FABP3: variants seen among roughly 807,000 people sequenced by gnomAD.
FABP3 encodes the protein fatty acid binding protein 3, also known as fatty acid-binding protein, heart.
FABP3 carries 8 observed loss-of-function variants against 13.4 expected under a neutral mutation model. That is an observed-to-expected ratio of 0.60 (90% CI 0.35 to 1.07). FABP3 has a LOEUF of 1.07. Ranked by LOEUF, FABP3 falls within the 50% of genes least tolerant of loss-of-function variation. The pLI, the probability that FABP3 is intolerant of heterozygous loss-of-function variation, is 0.02. For missense variants in FABP3, 135 were observed against 164.7 expected (o/e 0.82, Z 0.99); for synonymous variants, 64 against 60.0 (o/e 1.07, Z -0.31).
intron 3 of FABP3, 79 bp downstream of exon 3, chr1:31,367,314 T>G: frequency 1.7e-6 from 2 of 1,192,650 alleles, no homozygotes; most frequent in Admixed American, 3.4e-5. Flanking sequence ...AGGGGAGGAC[T>G]TGGCTTTTTA....
intron 1 of FABP3, among the ~76,000 whole-genome samples, chr1:31,371,319 G>A (rs554168614): frequency 1.3e-5 from 2 of 152,336 alleles, no homozygotes; most frequent in South Asian, 4.1e-4. Context: ...GGCACTGGGA[G>A]CTCTGTTCAC....
rs748723440 is a variant in FABP3, at chr1:31,372,931, G to T, written c.73+11C>A. The T allele has an allele frequency of 1.2e-6, 2 of 1,612,288 alleles. No individual in the cohort carries two copies. The highest frequency in any genetic ancestry group is 2.2e-5 in the East Asian group (1 of 44,890). ...CCCAAGCCAACATCCTGAGCCCCGC[G>T]GCTTGCTCACCGAGTGACTTCATGT... On this transcript the variant is annotated intron_variant, in intron 1 of 3. Transcript: ENST00000373713.
At chr1:31,364,439 T>G, downstream of FABP3, 1 of 545,418 alleles carries the variant, frequency 1.8e-6, no homozygotes, top group Non-Finnish European at 3.1e-6. Context: ...AGCTCACCCA[T>G]TCATTCACCC....
At position 31,367,510 on chromosome 1, in the gene FABP3, A is replaced by G; in HGVS notation, c.247-16T>C. 2 of 1,604,128 alleles carry G rather than the reference A, an allele frequency of 1.2e-6. No individual in the cohort carries two copies. Among genetic ancestry groups the G allele is most frequent in the Middle Eastern group, 3.3e-4 (2 of 6,048 alleles). ...TCACAATGGACTGTGGAAAGAGGGT[A>G]GAGGCCTGAGCTGTGATCTTAGTCA... On this transcript the variant is annotated splice_polypyrimidine_tract_variant and intron_variant, in intron 2 of 3. Coordinates refer to ENST00000373713, the MANE Select transcript of FABP3 (RefSeq NM_004102.5).
intron 1 of FABP3, 163 bp from the exon 2 acceptor site, chr1:31,369,720 G>A (rs1640175193): frequency 1.5e-6 from 1 of 650,938 alleles, no homozygotes; most frequent in Non-Finnish European, 2.6e-6. Flanking sequence ...GCTTAGTTCT[G>A]TTTGGTGAAC....
intron 1 of FABP3, 33 bp downstream of exon 1, chr1:31,372,909 A>C (rs1442505873): frequency 1.2e-6 from 2 of 1,606,092 alleles, no homozygotes; most frequent in African/African-American, 2.7e-5. Context: ...GCCAGTCCCC[A>C]AGCCAACATC....
downstream of FABP3, chr1:31,364,216 G>T (rs1263973304): frequency 7.5e-6 from 12 of 1,597,302 alleles, no homozygotes; most frequent in Non-Finnish European, 1.0e-5. Context: ...TGTAGGGGGT[G>T]GTTGAGAGTA....
intron 1 of FABP3, among the ~76,000 whole-genome samples, chr1:31,370,919 T>G (rs1392284800): frequency 6.6e-6 from 1 of 152,252 alleles, no homozygotes; most frequent in African/African-American, 2.4e-5. Context: ...CTACATGGGT[T>G]GTTTTACTTA....
At chr1:31,364,190 G>C, downstream of FABP3, 1 of 1,612,974 alleles carries the variant, frequency 6.2e-7, no homozygotes, top group Non-Finnish European at 8.5e-7. Flanking sequence ...AGCACAAGGA[G>C]TGAGAGTATA....
chr1:31,367,830 A>T (rs775219908), intron 2 of FABP3, among the ~76,000 whole-genome samples: 11 of 152,224 alleles, frequency 7.2e-5, no homozygotes, highest in Non-Finnish European at 1.3e-4. Context: ...TGATTCCCGT[A>T]GCCTGGTCCC....
Position 31,365,862 on chromosome 1 carries a change from G to A in FABP3, c.*24C>T. On this transcript the variant is annotated 3_prime_UTR_variant, in exon 4 of 4. Transcript: ENST00000373713. Reference sequence around the variant, plus strand: ...CGAGGGGTAGCCGATTGGCAGAGTAGTAGTCAGCAACAGTGCAGTCAGGTC... The same window carrying A: ...CGAGGGGTAGCCGATTGGCAGAGTAATAGTCAGCAACAGTGCAGTCAGGTC... 1.2e-6 allele frequency: 2 copies of A among 1,611,326 alleles called. No individual in the cohort carries two copies. The highest frequency in any genetic ancestry group is 1.7e-6 in the Non-Finnish European group (2 of 1,177,458).
At chr1:31,360,270 A>G (rs1186004739), downstream of FABP3, among the ~76,000 whole-genome samples, 1 of 152,142 alleles carries the variant, frequency 6.6e-6, no homozygotes, top group African/African-American at 2.4e-5. Flanking sequence ...CCCACGCTCA[A>G]GCGATTCTCC....
At chr1:31,364,922 G>A (rs41263947), downstream of FABP3, 2 of 152,342 alleles carry the variant, frequency 1.3e-5, no homozygotes, top group Non-Finnish European at 2.9e-5. Flanking sequence ...AAATGGAAAT[G>A]TGTTTGGTTT....
chr1:31,364,146 A>G (rs778260756), downstream of FABP3: 2 of 1,613,884 alleles, frequency 1.2e-6, no homozygotes, highest in Non-Finnish European at 1.7e-6. Context: ...CAAGGCAGCA[A>G]AGAAGAAGAA....
chr1:31,370,904 A>G (rs576210641), intron 1 of FABP3, among the ~76,000 whole-genome samples: 1 of 152,362 alleles, frequency 6.6e-6, no homozygotes, highest in Admixed American at 6.5e-5. Flanking sequence ...TACTCTGCAC[A>G]TGCCCTACAT....
At chr1:31,367,363 CA>C (rs751357853) in intron 3 of FABP3, 29 bp downstream of exon 3, 32 of 1,557,872 alleles carry the variant, frequency 2.1e-5, no homozygotes, top group Non-Finnish European at 2.7e-5. Flanking sequence ...AATAACCAAT[CA>C]GATATAGCTC....
chr1:31,363,201 TGAG>T (rs1639987878), downstream of FABP3, among the ~76,000 whole-genome samples: 1 of 150,262 alleles, frequency 6.7e-6, no homozygotes. Flanking sequence ...TTTTTTTTTT[TGAG>T]ACGGAGTCTC....
At chr1:31,366,343 G>C (rs1292336377) in intron 3 of FABP3, among the ~76,000 whole-genome samples, 1 of 152,030 alleles carries the variant, frequency 6.6e-6, no homozygotes, top group African/African-American at 2.4e-5. Context: ...ACTGTGTTTG[G>C]CTACTAACTC....
At chr1:31,367,359 C>T (rs1640131773) in intron 3 of FABP3, 34 bp downstream of exon 3, 1 of 1,541,914 alleles carries the variant, frequency 6.5e-7, no homozygotes, top group Admixed American at 1.7e-5. Context: ...TAGTAATAAC[C>T]AATCAGATAT....
Sources: allele counts gnomAD v4.1 joint callset (sites outside exome capture counted in the v4.1 genomes callset), GRCh38; gene constraint gnomAD v4.1.1; transcripts MANE v1.5; gene names NCBI Gene and HGNC (gene_info 2026-07-23, HGNC 2026-07-21).